Variants in C10orf143 observed in about 807,000 individuals in gnomAD.
C10orf143 encodes the protein chromosome 10 open reading frame 143.
At chr10:130,064,506 A>C (rs1179699221) in intron 3 of C10orf143, 123 bp from the exon 4 acceptor site, 1 of 389,890 alleles carries the variant, frequency 2.6e-6, no homozygotes, top group East Asian at 3.6e-5. Flanking sequence ...GTAAGTGATA[A>C]CTTAATTCCT....
chr10:130,061,058 C>T (rs1860851871), downstream of C10orf143, among the ~76,000 whole-genome samples: 1 of 151,784 alleles, frequency 6.6e-6, no homozygotes, highest in Non-Finnish European at 1.5e-5. Context: ...CTCATCTGGG[C>T]CCGAGGAAGT....
chr10:130,089,867 T>A (rs540419247), intron 1 of C10orf143, among the ~76,000 whole-genome samples: 1 of 152,324 alleles, frequency 6.6e-6, no homozygotes, highest in South Asian at 2.1e-4. Context: ...AAAGATAAAG[T>A]TGGCCTCTTG....
rs1363900612 is a variant in C10orf143, at chr10:130,065,128, G to A, written c.298-745C>T. 1 of 152,514 alleles carries A rather than the reference G, an allele frequency of 6.6e-6. No homozygotes were observed. Among genetic ancestry groups the A allele is most frequent in the African/African-American group, 2.4e-5 (1 of 41,460 alleles). 9.4% of individuals were successfully genotyped at this position (152,514 alleles called of 1,614,324 possible). ...AGGGTGGGGTAGGCTGGGCAGTGGG[G>A]AAACAAAGAAGTCCAGTTCTTGATG... On this transcript the variant is annotated intron_variant, in intron 3 of 3. Transcript: ENST00000637128. This position sits in a 1 kb window ranked among gnomAD's most constrained non-coding sequence, Gnocchi z 4.2.
chr10:130,086,145 A>G (rs577040363), intron 1 of C10orf143, among the ~76,000 whole-genome samples: 82 of 152,322 alleles, frequency 5.4e-4, no homozygotes, highest in African/African-American at 1.8e-3. Context: ...TAGAATCACC[A>G]CTTGCCACTG....
intron 3 of C10orf143, among the ~76,000 whole-genome samples, chr10:130,052,768 T>C (rs1305925561): frequency 6.6e-6 from 1 of 152,266 alleles, no homozygotes; most frequent in Non-Finnish European, 1.5e-5. Flanking sequence ...CGTTACTCTT[T>C]CATGGTCCTC....
chr10:130,101,158 G>T (rs1422274882), intron 1 of C10orf143: 2 of 151,878 alleles, frequency 1.3e-5, no homozygotes, highest in Non-Finnish European at 2.9e-5. Context: ...GGCAGAGGTT[G>T]CAGTGAGCCA....
intron 1 of C10orf143, chr10:130,107,893 T>C: frequency 7.7e-7 from 1 of 1,304,774 alleles, no homozygotes; most frequent in Non-Finnish European, 1.1e-6. Flanking sequence ...TTGATTCAGC[T>C]CTTCCTCCAC....
intron 3 of C10orf143, 106 bp downstream of exon 3, chr10:130,079,460 A>C: frequency 2.5e-6 from 1 of 397,918 alleles, no homozygotes; most frequent in Non-Finnish European, 4.4e-6. Context: ...TATGTTCCTC[A>C]TTCTTCAGAA....
chr10:130,073,850 T>C (rs1017303725), intron 3 of C10orf143, among the ~76,000 whole-genome samples: 3 of 152,200 alleles, frequency 2.0e-5, no homozygotes, highest in African/African-American at 7.2e-5. Flanking sequence ...GTACTCACTG[T>C]CAGCTACTGC....
chr10:130,108,468 C>A, intron 1 of C10orf143: 1 of 774,970 alleles, frequency 1.3e-6, no homozygotes, highest in Non-Finnish European at 2.4e-6. Context: ...TATTTTTGCT[C>A]TCTTCAAAAG....
intron 3 of C10orf143, among the ~76,000 whole-genome samples, chr10:130,047,569 G>GCC (rs1200812302): frequency 6.6e-6 from 1 of 152,002 alleles, no homozygotes; most frequent in Non-Finnish European, 1.5e-5. Flanking sequence ...ACTTACTAAG[G>GCC]CCCCCCGCAC....
chr10:130,089,204 C>T (rs1861342003), intron 1 of C10orf143, among the ~76,000 whole-genome samples: 1 of 152,182 alleles, frequency 6.6e-6, no homozygotes, highest in Admixed American at 6.5e-5. Context: ...TAAATGAACA[C>T]ATTGGACTTG....
chr10:130,106,044 CTA>C lies in C10orf143; in HGVS notation c.69+4658_69+4659del, dbSNP rs755892283. On this transcript the variant is annotated intron_variant, in intron 1 of 3. Transcript: ENST00000637128. Reference sequence around the variant, plus strand: ...GGCGACCGCCAGAGCAGCCTTGGCGCTATGTTGGAGCCAGGGGCTACCCCTCA... The same window carrying C: ...GGCGACCGCCAGAGCAGCCTTGGCGCTGTTGGAGCCAGGGGCTACCCCTCA... The C allele has an allele frequency of 5.5e-6, 3 of 544,746 alleles. No individual in the cohort carries two copies. In the Admixed American group the frequency reaches 6.8e-5, roughly 12 times the overall value. 33.7% of individuals were successfully genotyped at this position (544,746 alleles called of 1,614,324 possible).
chr10:130,039,320 C>A (rs1004510015), intron 3 of C10orf143, among the ~76,000 whole-genome samples: 3 of 152,160 alleles, frequency 2.0e-5, no homozygotes, highest in Non-Finnish European at 2.9e-5. Flanking sequence ...GGCCGAGGAC[C>A]ACCGGTGGTG....
chr10:130,089,354 C>A (rs546862305), intron 1 of C10orf143, among the ~76,000 whole-genome samples: 50 of 152,306 alleles, frequency 3.3e-4, no homozygotes, highest in African/African-American at 1.2e-3. Context: ...ATGTCCTCTG[C>A]ATTTATAGAA....
chr10:130,053,898 G>T (rs574934064), intron 3 of C10orf143, among the ~76,000 whole-genome samples: 1 of 152,216 alleles, frequency 6.6e-6, no homozygotes, highest in African/African-American at 2.4e-5. Flanking sequence ...ATGCCTGGAT[G>T]GGGAGATTCT....
intron 3 of C10orf143, chr10:130,036,071 T>C (rs1386143396): frequency 6.6e-6 from 1 of 152,194 alleles, no homozygotes; most frequent in East Asian, 1.9e-4. Context: ...CATCTAACCC[T>C]TATTACCTCC....
intron 1 of C10orf143, among the ~76,000 whole-genome samples, chr10:130,095,427 A>G (rs190691601): frequency 3.3e-5 from 5 of 152,346 alleles, no homozygotes; most frequent in Admixed American, 3.3e-4. Context: ...TTCTTCATAG[A>G]ATTAGAAAAA....
chr10:130,039,814 G>T (rs1860586187), intron 3 of C10orf143, among the ~76,000 whole-genome samples: 1 of 152,134 alleles, frequency 6.6e-6, no homozygotes, highest in Admixed American at 6.5e-5. Context: ...CCTTCCCCAA[G>T]GGTACTGTGG....
Sources: gnomAD v4.1 joint callset for allele counts (sites outside exome capture counted in the v4.1 genomes callset) on GRCh38, gnomAD v4.1.1 for gene constraint, Gnocchi (gnomAD v3.1) non-coding constraint, MANE v1.5 for transcripts, NCBI Gene and HGNC (gene_info 2026-07-23, HGNC 2026-07-21) for gene names.